AP3B1: variants seen among roughly 807,000 people sequenced by gnomAD.
AP3B1 encodes the protein AP-3 complex subunit beta-1.
Under a neutral mutation model 132.5 loss-of-function variants are expected in AP3B1, and 61 were observed. The ratio of observed to expected loss-of-function variants is 0.46; its 90% CI spans 0.37 to 0.57. The LOEUF (loss-of-function observed/expected upper bound fraction) is 0.57. Among genes scored for constraint, AP3B1 ranks in the 20% least tolerant of loss-of-function variants. AP3B1 has a pLI of 0.00. For synonymous variants in AP3B1, 388 were observed against 438.3 expected (o/e 0.89, Z 1.43); for missense variants, 1,120 against 1,289.4 (o/e 0.87, Z 2.01).
chr5:78,261,482 T>G (rs1003910044), intron 2 of AP3B1, among the ~76,000 whole-genome samples: 3 of 152,244 alleles, frequency 2.0e-5, no homozygotes, highest in Admixed American at 6.5e-5. Flanking sequence ...GTTTTGTTTT[T>G]GAGACAGAGT....
intron 22 of AP3B1, chr5:78,044,036 T>C (rs1393547790): frequency 9.8e-6 from 3 of 305,348 alleles, no homozygotes; most frequent in Non-Finnish European, 1.9e-5. Context: ...AATCTCCTTG[T>C]TAGAATAGAA....
At chr5:78,179,639 C>T (rs939946372) in intron 8 of AP3B1, among the ~76,000 whole-genome samples, 11 of 152,114 alleles carry the variant, frequency 7.2e-5, no homozygotes, top group African/African-American at 1.9e-4. Context: ...CCATTCATGC[C>T]GCTGTCACCT....
chr5:78,263,366 T>A (rs1748181101), intron 2 of AP3B1, among the ~76,000 whole-genome samples: 1 of 152,238 alleles, frequency 6.6e-6, no homozygotes, highest in South Asian at 2.1e-4. Flanking sequence ...ATCCTGCAAC[T>A]TTGGTAAACT....
In AP3B1 at chr5:78,116,232, T is replaced by C. The variant is rs1221338238; in HGVS notation, c.1971A>G (p.Ala657=). 6.2e-7 allele frequency: 1 copy of C among 1,611,422 alleles called. No homozygotes were observed. Among genetic ancestry groups the C allele is most frequent in the Non-Finnish European group, 8.5e-7 (1 of 1,177,804 alleles). ...SVRNVEVIEL[A]KEWTPAGKAK... ...CTTTTCCTGCTGGGGTCCATTCTTT[T>C]GCCTGTTTAAACAAATAAAGTAAAT... Residue 657 remains alanine, a splice_region_variant and synonymous_variant, in exon 18 of 27, where the codon GCA becomes GCG. Transcript: ENST00000255194.
In AP3B1 at chr5:78,201,856, T is replaced by A. The variant is rs1206926141; in HGVS notation, c.786+14199A>T. On this transcript the variant is annotated intron_variant, in intron 7 of 26. Coordinates refer to ENST00000255194, the MANE Select transcript of AP3B1 (RefSeq NM_003664.5). ...TCCTCCTCTCCCCAGAAAAAATGTG[T>A]TTACATTAGAAAGATAAGGTAACTA... Among the ~76,000 whole-genome samples, 3 of 152,086 alleles carry A rather than the reference T, an allele frequency of 2.0e-5. No individual in the cohort carries two copies. The East Asian group carries it at 5.8e-4, about 29-fold the overall frequency.
intron 2 of AP3B1, among the ~76,000 whole-genome samples, chr5:78,251,983 T>C (rs375532754): frequency 3.6e-4 from 55 of 152,256 alleles, no homozygotes; most frequent in Middle Eastern, 3.4e-3. Flanking sequence ...GCATCTTGGA[T>C]ACCAGCTCAG....
intron 11 of AP3B1, among the ~76,000 whole-genome samples, chr5:78,170,442 C>T (rs535204211): frequency 1.6e-4 from 24 of 152,208 alleles, no homozygotes; most frequent in Admixed American, 1.3e-3. Context: ...TTTTAATGAT[C>T]GCCATACTAA....
chr5:78,174,673 C>T (rs760282183), intron 11 of AP3B1, among the ~76,000 whole-genome samples: 27 of 152,208 alleles, frequency 1.8e-4, no homozygotes, highest in Non-Finnish European at 2.9e-4. Flanking sequence ...TTAGGCTACA[C>T]GGGGGTCAGG....
At chr5:78,092,365 G>T (rs1367706599) in intron 21 of AP3B1, among the ~76,000 whole-genome samples, 1 of 152,156 alleles carries the variant, frequency 6.6e-6, no homozygotes, top group Non-Finnish European at 1.5e-5. Context: ...GCATCTGTTT[G>T]CAGGTATGGC....
chr5:78,148,398 C>T (rs938042289), intron 14 of AP3B1, among the ~76,000 whole-genome samples: 2 of 152,150 alleles, frequency 1.3e-5, no homozygotes, highest in Non-Finnish European at 1.5e-5. Context: ...TTAACTATTT[C>T]CCTCACTAAA....
intron 26 of AP3B1, among the ~76,000 whole-genome samples, chr5:78,006,743 A>G (rs1284614330): frequency 6.6e-6 from 1 of 152,160 alleles, no homozygotes; most frequent in Non-Finnish European, 1.5e-5. Flanking sequence ...CACCATCTAG[A>G]TATTTTTCAT....
At chr5:78,223,187 G>A (rs1746261985) in intron 6 of AP3B1, among the ~76,000 whole-genome samples, 2 of 151,836 alleles carry the variant, frequency 1.3e-5, no homozygotes, top group African/African-American at 2.4e-5. Flanking sequence ...TGTTGAATAG[G>A]CAGTTTCAAA....
intron 2 of AP3B1, among the ~76,000 whole-genome samples, chr5:78,264,698 T>C (rs1748246805): frequency 6.6e-6 from 1 of 152,228 alleles, no homozygotes; most frequent in South Asian, 2.1e-4. Flanking sequence ...GCATTGTTAT[T>C]GAAGGAAGAA....
At chr5:78,073,300 G>A (rs1439951352) in intron 22 of AP3B1, among the ~76,000 whole-genome samples, 2 of 152,166 alleles carry the variant, frequency 1.3e-5, no homozygotes, top group Non-Finnish European at 2.9e-5. Context: ...GCCCTGCCCT[G>A]TGTTCAGAAA....
intron 14 of AP3B1, among the ~76,000 whole-genome samples, chr5:78,153,345 T>C (rs1753748739): frequency 6.6e-6 from 1 of 152,144 alleles, no homozygotes; most frequent in African/African-American, 2.4e-5. Flanking sequence ...AGACAGACAT[T>C]TTGTCTGATG....
chr5:78,021,711 T>C (rs1747106614), intron 24 of AP3B1, among the ~76,000 whole-genome samples: 1 of 152,148 alleles, frequency 6.6e-6, no homozygotes, highest in African/African-American at 2.4e-5. Flanking sequence ...GAGGCCCAGA[T>C]TCCTCTAGCT....
chr5:78,279,667 G>A (rs1319785713), intron 1 of AP3B1, among the ~76,000 whole-genome samples: 1 of 151,632 alleles, frequency 6.6e-6, no homozygotes, highest in Non-Finnish European at 1.5e-5. Flanking sequence ...CCAAGACTTT[G>A]GGATGCGGAG....
intron 22 of AP3B1, chr5:78,043,276 C>T (rs1037923495): frequency 3.1e-5 from 5 of 163,248 alleles, no homozygotes; most frequent in African/African-American, 7.2e-5. Context: ...ACCTAAGGTG[C>T]GCACCACCAT....
chr5:78,149,059 T>G (rs1447306660), intron 14 of AP3B1, among the ~76,000 whole-genome samples: 1 of 152,156 alleles, frequency 6.6e-6, no homozygotes, highest in Non-Finnish European at 1.5e-5. Context: ...TACACTGCGG[T>G]AGACATTGAT....
Sources: gnomAD v4.1 joint callset for allele counts (sites outside exome capture counted in the v4.1 genomes callset) on GRCh38, gnomAD v4.1.1 for gene constraint, MANE v1.5 for transcripts, NCBI Gene and HGNC (gene_info 2026-07-23, HGNC 2026-07-21) for gene names.